Variants in PIK3R1 observed in about 807,000 individuals in gnomAD.
PIK3R1 encodes the protein phosphoinositide-3-kinase regulatory subunit 1, also known as phosphatidylinositol 3-kinase regulatory subunit alpha.
A neutral mutation model predicts 98.0 loss-of-function variants in PIK3R1; 29 were observed. That is an observed-to-expected ratio of 0.30 (90% confidence interval 0.22 to 0.40). The LOEUF (loss-of-function observed/expected upper bound fraction) is 0.40. Among genes scored for constraint, PIK3R1 ranks in the 10% least tolerant of loss-of-function variants. PIK3R1 has a pLI of 1.00. For missense variants in PIK3R1, 596 were observed against 872.7 expected, an observed-to-expected ratio of 0.68 and a Z score of 3.99; for synonymous variants, 282 against 311.8, an observed-to-expected ratio of 0.90 and a Z score of 1.01.
intron 7 of PIK3R1, chr5:68,290,892 G>A (rs1354843466): frequency 3.6e-5 from 39 of 1,088,092 alleles, no homozygotes; most frequent in East Asian, 5.0e-5. Flanking sequence ...TTAATTTTTC[G>A]AAAGCTACTG....
chr5:68,262,478 A>G (rs1393098846), intron 2 of PIK3R1, among the ~76,000 whole-genome samples: 10 of 145,972 alleles, frequency 6.9e-5, no homozygotes, highest in African/African-American at 2.2e-4. Context: ...ATATGTACAT[A>G]TATATCTATA....
In PIK3R1 at chr5:68,301,646, G is replaced by A. The variant is rs964442490; in HGVS notation, c.*4045G>A. ...TTGGTCTTTTGACGAGAGGGAGGAT[G>A]TCACGGTCAGTTGTAACTTTGCCTT... On this transcript the variant is annotated 3_prime_UTR_variant, in exon 16 of 16. Transcript: ENST00000521381. 6.6e-4 allele frequency: 91 copies of A among 138,196 alleles called. 1 individual carries two copies. The Admixed American group carries it at 7.1e-3, about 11-fold the overall frequency. The allele number at this position is 138,196 out of a possible 1,614,324, so 8.6% of individuals were successfully genotyped here.
At chr5:68,297,322 C>T (rs1356874002) in intron 15 of PIK3R1, 90 bp from the exon 16 acceptor site, 4 of 1,139,152 alleles carry the variant, frequency 3.5e-6, no homozygotes, top group Non-Finnish European at 5.1e-6. Context: ...GTTGAGACTG[C>T]ACAATAATGC....
intron 2 of PIK3R1, among the ~76,000 whole-genome samples, chr5:68,230,457 C>T (rs1442322380): frequency 1.3e-5 from 2 of 152,304 alleles, no homozygotes; most frequent in East Asian, 3.9e-4. Flanking sequence ...TTGAAATTGA[C>T]CACGTGCTCT....
At chr5:68,266,055 G>A (rs1243493427) in intron 2 of PIK3R1, among the ~76,000 whole-genome samples, 1 of 152,130 alleles carries the variant, frequency 6.6e-6, no homozygotes, top group Non-Finnish European at 1.5e-5. Flanking sequence ...TGGTCAGCCA[G>A]TGGCCTGCTT....
chr5:68,274,042 T>TG (rs753074137), intron 4 of PIK3R1, 29 bp downstream of exon 4: 4 of 1,553,180 alleles, frequency 2.6e-6, no homozygotes, highest in Non-Finnish European at 3.6e-6. Context: ...GAAATGCAAA[T>TG]GGGAAAGACA....
In PIK3R1 at chr5:68,299,352, A is replaced by T. The variant is rs1747911704; in HGVS notation, c.*1751A>T. ...ACTGTCACTGCTCTGGACTGTGTGG[A>T]GCTCGCTAAAGTCATGGTCATTGCA... On this transcript the variant is annotated 3_prime_UTR_variant, in exon 16 of 16. Coordinates refer to ENST00000521381, the MANE Select transcript of PIK3R1 (RefSeq NM_181523.3). The T allele has an allele frequency of 8.6e-6, 2 of 232,056 alleles. No homozygotes were observed. The highest frequency in any genetic ancestry group is 3.7e-4 in the South Asian group (2 of 5,474). The allele number at this position is 232,056 out of a possible 1,614,324, so 14.4% of individuals were successfully genotyped here.
At chr5:68,276,983 T>C (rs1305916947) in intron 4 of PIK3R1, among the ~76,000 whole-genome samples, 3 of 152,320 alleles carry the variant, frequency 2.0e-5, no homozygotes, top group Middle Eastern at 3.4e-3. Context: ...ATGATTATAC[T>C]CCTTGGGAAG....
At chr5:68,234,567 G>T (rs565681697) in intron 2 of PIK3R1, among the ~76,000 whole-genome samples, 1 of 152,322 alleles carries the variant, frequency 6.6e-6, no homozygotes, top group East Asian at 1.9e-4. Context: ...GAATATTTAG[G>T]CTCTACTTCT....
chr5:68,261,227 A>T (rs1745733188), intron 2 of PIK3R1, among the ~76,000 whole-genome samples: 1 of 152,194 alleles, frequency 6.6e-6, no homozygotes, highest in Non-Finnish European at 1.5e-5. Flanking sequence ...GGGACATGTG[A>T]TCTCCTTGAC....
chr5:68,256,495 G>C (rs1745520364), intron 2 of PIK3R1, among the ~76,000 whole-genome samples: 2 of 152,298 alleles, frequency 1.3e-5, no homozygotes, highest in African/African-American at 4.8e-5. Flanking sequence ...CTCCCAAAGT[G>C]CTGGGATTAC....
At chr5:68,249,537 T>G (rs1188646350) in intron 2 of PIK3R1, among the ~76,000 whole-genome samples, 1 of 152,256 alleles carries the variant, frequency 6.6e-6, no homozygotes, top group African/African-American at 2.4e-5. Context: ...TTGTTTCTTT[T>G]TTAAATAACA....
chr5:68,281,321 T>G (rs1341655866), intron 7 of PIK3R1, among the ~76,000 whole-genome samples: 1 of 152,224 alleles, frequency 6.6e-6, no homozygotes, highest in African/African-American at 2.4e-5. Context: ...TGTTGACATT[T>G]TTGTTTTTCT....
At chr5:68,267,359 C>A (rs1384194615) in intron 2 of PIK3R1, among the ~76,000 whole-genome samples, 1 of 152,146 alleles carries the variant, frequency 6.6e-6, no homozygotes, top group Non-Finnish European at 1.5e-5. Flanking sequence ...CTATACCAGT[C>A]TGTTGTCTAG....
rs1472201160 is a variant in PIK3R1 at position 68,296,275 on chromosome 5, G to T, written c.1919G>T (p.Gly640Val). ...AACAAAGCTGAAAACCTGTTGCGAG[G>T]GAAGCGAGATGGCACTTTTCTTGTC... ...NRNKAENLLR[G>V]KRDGTFLVRE... The change falls in exon 15 of 16, where the codon GGG (glycine) becomes GTG (valine). Residue 640 changes from glycine (G) to valine (V), a missense_variant. Physicochemically the swap from Gly to Val is moderately radical, Grantham distance 109. Transcript: ENST00000521381. 1 of 1,614,208 alleles carries T rather than the reference G, an allele frequency of 6.2e-7. No homozygotes were observed.
chr5:68,279,097 G>A (rs927589967), intron 4 of PIK3R1, among the ~76,000 whole-genome samples: 4 of 152,184 alleles, frequency 2.6e-5, no homozygotes, highest in African/African-American at 9.7e-5. Context: ...TGCATCCCTA[G>A]TGTGTCTCTC....
At chr5:68,283,967 G>A (rs1332406296) in intron 7 of PIK3R1, among the ~76,000 whole-genome samples, 4 of 152,160 alleles carry the variant, frequency 2.6e-5, no homozygotes, top group African/African-American at 4.8e-5. Context: ...ACAAAGTCAG[G>A]GCAATGTTTA....
intron 1 of PIK3R1, chr5:68,217,645 T>TGCGCGCGCGC (rs1224108539): frequency 1.5e-4 from 20 of 135,512 alleles, no homozygotes; most frequent in Admixed American, 1.4e-3. Context: ...TGTGTGTGTG[T>TGCGCGCGCGC]GTGTGTGTGC....
intron 2 of PIK3R1, among the ~76,000 whole-genome samples, chr5:68,258,153 AC>A: frequency 6.6e-6 from 1 of 152,304 alleles, no homozygotes; most frequent in Non-Finnish European, 1.5e-5. Flanking sequence ...TTGTAAGAAA[AC>A]ATCTGACAGC....
Sources: gnomAD v4.1 joint callset for allele counts (sites outside exome capture counted in the v4.1 genomes callset) on GRCh38, gnomAD v4.1.1 for gene constraint, MANE v1.5 for transcripts, NCBI Gene and HGNC (gene_info 2026-07-23, HGNC 2026-07-21) for gene names.